The following ARMC8 variants were observed in gnomAD, a reference collection of about 807,000 sequenced individuals.
The protein encoded by ARMC8 is armadillo repeat-containing protein 8.
A neutral mutation model predicts 99.3 loss-of-function variants in ARMC8; 20 were observed. The observed-to-expected ratio is 0.20, with a 90% CI of 0.14 to 0.29. The LOEUF is 0.29. Among genes scored for constraint, ARMC8 ranks in the 10% least tolerant of loss-of-function variants. The probability of loss-of-function intolerance (pLI) is 1.00; values close to 1 mark genes in which losing one functional copy is unlikely to be tolerated. For missense variants in ARMC8, 569 were observed against 809.5 expected (o/e 0.70, Z 3.60); for synonymous variants, 263 against 278.3 (o/e 0.95, Z 0.55).
At chr3:138,199,141 C>A (rs1041858211) in intron 1 of ARMC8, among the ~76,000 whole-genome samples, 10 of 152,004 alleles carry the variant, frequency 6.6e-5, no homozygotes, top group Non-Finnish European at 1.3e-4. Flanking sequence ...TTTGATTAAT[C>A]TTGGGAGGGA....
chr3:138,228,012 C>G (rs1212929734), intron 5 of ARMC8, among the ~76,000 whole-genome samples: 1 of 152,160 alleles, frequency 6.6e-6, no homozygotes, highest in African/African-American at 2.4e-5. Flanking sequence ...CAGAGTCTTG[C>G]TCTTGTCTGT....
intron 1 of ARMC8, among the ~76,000 whole-genome samples, chr3:138,197,166 C>T (rs929055195): frequency 1.3e-5 from 2 of 152,114 alleles, no homozygotes; most frequent in African/African-American, 4.8e-5. Flanking sequence ...AAGTGGCCTG[C>T]GATATTGCCG....
intron 12 of ARMC8, among the ~76,000 whole-genome samples, chr3:138,250,581 G>A (rs1348599916): frequency 2.0e-5 from 3 of 152,066 alleles, no homozygotes; most frequent in African/African-American, 7.2e-5. Context: ...GCCCTCCAAA[G>A]TGTATTAATA....
At chr3:138,236,221 T>C (rs1452881093) in intron 7 of ARMC8, among the ~76,000 whole-genome samples, 3 of 152,022 alleles carry the variant, frequency 2.0e-5, no homozygotes, top group Admixed American at 1.3e-4. Flanking sequence ...GAATGGAGAG[T>C]GGAACTAACT....
In ARMC8 at chr3:138,286,638, C is replaced by T. The variant is rs530302778; in HGVS notation, c.1821+2112C>T. ...AGATTACTGCTTTGTCTCCTCCCTC[C>T]CAAGATTCTTATTTAATAGATCTAG... On this transcript the variant is annotated intron_variant, in intron 19 of 21. Transcript: ENST00000469044. Among the ~76,000 whole-genome samples, 3 of 152,262 alleles carry T rather than the reference C, an allele frequency of 2.0e-5. No homozygotes were observed. The East Asian group carries it at 5.8e-4, about 29-fold the overall frequency.
chr3:138,229,953 T>A (rs933720117), intron 6 of ARMC8, among the ~76,000 whole-genome samples: 1 of 152,204 alleles, frequency 6.6e-6, no homozygotes, highest in African/African-American at 2.4e-5. Flanking sequence ...CTATGCTGTT[T>A]TAGAACAGCC....
chr3:138,212,689 A>AT (rs756228666), intron 2 of ARMC8, among the ~76,000 whole-genome samples: 28 of 152,148 alleles, frequency 1.8e-4, no homozygotes, highest in Non-Finnish European at 2.2e-4. Flanking sequence ...CAATTTTTTG[A>AT]TTTTTATACA....
chr3:138,281,987 G>T (rs1398807415), intron 18 of ARMC8, among the ~76,000 whole-genome samples: 5 of 152,148 alleles, frequency 3.3e-5, no homozygotes. Flanking sequence ...GAGTCTTCTT[G>T]GTAAGAAATG....
At position 138,206,298 on chromosome 3, in the gene ARMC8, CAA is replaced by C. The variant is rs1399501716; in HGVS notation, c.46-3516_46-3515del. 2.0e-5 allele frequency among the ~76,000 whole-genome samples: 3 copies of C among 152,224 alleles called. No individual in the cohort carries two copies. The East Asian group carries it at 5.8e-4, about 29-fold the overall frequency. On this transcript the variant is annotated intron_variant, in intron 1 of 21. Coordinates refer to ENST00000469044, the MANE Select transcript of ARMC8 (RefSeq NM_001363941.2). ...TTTTAATTAAAGTTTAAAATATAAA[CAA>C]AATTCACTTCCTAGCCACATTTCAA...
At chr3:138,230,508 C>T (rs1264489400) in intron 6 of ARMC8, among the ~76,000 whole-genome samples, 2 of 151,998 alleles carry the variant, frequency 1.3e-5, no homozygotes, top group Non-Finnish European at 2.9e-5. Context: ...AAAGAATTAG[C>T]CAGGCATGGT....
rs2051527381 is a variant in ARMC8, at chr3:138,296,779, G to A, written c.*887G>A. ...AGCATCAAAGGGAAATATAACTACT[G>A]ATAGTGAAAGCCCAGCCATGACCCA... On this transcript the variant is annotated 3_prime_UTR_variant, in exon 22 of 22. Coordinates refer to ENST00000469044, the MANE Select transcript of ARMC8 (RefSeq NM_001363941.2). The A allele has an allele frequency of 6.6e-6, 1 of 152,210 alleles. No individual in the cohort carries two copies. Among genetic ancestry groups the A allele is most frequent in the Non-Finnish European group, 1.5e-5 (1 of 68,044 alleles). The allele number at this position is 152,210 out of a possible 1,614,324, so 9.4% of individuals were successfully genotyped here. A position where few individuals can be genotyped will look rare whatever the true frequency, so the allele number is the denominator to read the frequency against.
intron 12 of ARMC8, among the ~76,000 whole-genome samples, chr3:138,252,154 A>G (rs538581955): frequency 9.5e-4 from 145 of 152,300 alleles, no homozygotes; most frequent in African/African-American, 3.3e-3. Context: ...CTACATTATA[A>G]TTTTGTAGCT....
At chr3:138,267,047 T>A in intron 14 of ARMC8, 108 bp from the exon 15 acceptor site, 1 of 633,878 alleles carries the variant, frequency 1.6e-6, no homozygotes, top group Non-Finnish European at 2.6e-6. Flanking sequence ...ATACGAAGAA[T>A]CAGGTTGAAA....
intron 1 of ARMC8, among the ~76,000 whole-genome samples, chr3:138,189,377 G>T (rs1215718382): frequency 6.6e-6 from 1 of 151,924 alleles, no homozygotes; most frequent in Non-Finnish European, 1.5e-5. Context: ...GGAGCTTTTG[G>T]ATAAATGATT....
intron 11 of ARMC8, among the ~76,000 whole-genome samples, chr3:138,244,016 T>C (rs1015442836): frequency 2.0e-5 from 3 of 152,206 alleles, no homozygotes; most frequent in Non-Finnish European, 2.9e-5. Flanking sequence ...ATTGAAAGTA[T>C]CCTGAAAATA....
chr3:138,267,154 G>T lies in ARMC8; in HGVS notation c.1300-1G>T. The T allele has an allele frequency of 6.5e-7, 1 of 1,530,226 alleles. No homozygotes were observed. The highest frequency in any genetic ancestry group is 8.9e-7 in the Non-Finnish European group (1 of 1,124,762). The allele number at this position is 1,530,226 out of a possible 1,614,324, so 94.8% of individuals were successfully genotyped here. The stretch of plus-strand genomic sequence containing the variant: ...AGTAGTATCCTTTTTTAATTCCATA[G>T]GTTTTACAAAATGCACCAGATGAAA... On this transcript the variant is annotated splice_acceptor_variant, in intron 14 of 21. Transcript: ENST00000469044. LOFTEE classifies it high-confidence loss of function.
intron 14 of ARMC8, among the ~76,000 whole-genome samples, chr3:138,264,919 A>G (rs2048127806): frequency 6.7e-6 from 1 of 150,012 alleles, no homozygotes; most frequent in Admixed American, 6.6e-5. Flanking sequence ...TTAAATAGAC[A>G]CAGGGTCTCA....
rs140815064 is a variant in ARMC8, at chr3:138,191,128, G to A, written c.45+3529G>A. Among the ~76,000 whole-genome samples the A allele has an allele frequency of 3.1e-4, 47 of 152,304 alleles. 1 individual carries two copies. Among genetic ancestry groups the A allele is most frequent in the Non-Finnish European group, 4.7e-4 (32 of 68,020 alleles). ...TAATACTCTATCTTGTCGTATTAGA[G>A]AGTAAATTAATTCAGAAGTAACACT... is the stretch of plus-strand genomic sequence containing the variant. On this transcript the variant is annotated intron_variant, in intron 1 of 21. Transcript: ENST00000469044.
intron 1 of ARMC8, among the ~76,000 whole-genome samples, chr3:138,197,374 G>T (rs1278746054): frequency 6.6e-6 from 1 of 152,164 alleles, no homozygotes; most frequent in Non-Finnish European, 1.5e-5. Flanking sequence ...TCAGGAAGGC[G>T]CCTGGCCTGT....
Sources: allele counts gnomAD v4.1 joint callset (sites outside exome capture counted in the v4.1 genomes callset), GRCh38; gene constraint gnomAD v4.1.1; transcripts MANE v1.5; gene names NCBI Gene and HGNC (gene_info 2026-07-23, HGNC 2026-07-21).